KMT2B: variants seen among roughly 807,000 people sequenced by gnomAD.
KMT2B encodes histone-lysine N-methyltransferase 2B.
Under a neutral mutation model 255.3 loss-of-function variants are expected in KMT2B, and 22 were observed. The ratio of observed to expected loss-of-function variants is 0.09; its 90% CI spans 0.06 to 0.12. KMT2B has a LOEUF of 0.12. Among genes scored for constraint, KMT2B ranks in the 10% least tolerant of loss-of-function variants. The pLI is 1.00. For missense variants in KMT2B, 3,149 were observed against 3,737.0 expected (o/e 0.84, Z 4.10); for synonymous variants, 1,730 against 1,498.1 (o/e 1.15, Z -3.57).
At chr19:35,724,901 C>T (rs1232381498) in intron 9 of KMT2B, 88 bp from the exon 10 acceptor site, 5 of 1,188,478 alleles carry the variant, frequency 4.2e-6, no homozygotes, top group Non-Finnish European at 6.2e-6. Flanking sequence ...GGGTCTGGGT[C>T]CAGTAGGCTG....
rs1175434395 is a variant in KMT2B at position 35,721,076 on chromosome 19, C to T, written c.1729C>T (p.Pro577Ser). 6.2e-7 allele frequency: 1 copy of T among 1,610,928 alleles called. No homozygotes were observed. ...ITTSPPVPQE[P>S]APVPSPPRAP... The stretch of plus-strand genomic sequence containing the variant: ...CACCTCCCCACCTGTTCCCCAGGAG[C>T]CAGCACCAGTCCCCTCTCCACCACG... Residue 577 changes from proline (P) to serine (S), a missense_variant, in exon 3 of 37, where the codon CCA becomes TCA. Physicochemically the swap from Pro to Ser is moderately conservative, Grantham distance 74. Transcript: ENST00000420124.
chr19:35,727,301 C>T lies in KMT2B; in HGVS notation c.4117+32C>T. 6.3e-7 allele frequency: 1 copy of T among 1,595,728 alleles called. No homozygotes were observed. The highest frequency in any genetic ancestry group is 8.6e-7 in the Non-Finnish European group (1 of 1,163,980). On this transcript the variant is annotated intron_variant, in intron 15 of 36. Transcript: ENST00000420124. This position sits in a 1 kb window ranked among gnomAD's most constrained non-coding sequence, Gnocchi z 4.2. ...CAGTGGAGCACCTGGGCTGCAGCCTCAACCCTGTGGGGACCCCTGCCCCCA... is the reference window on the plus strand; with the variant it reads ...CAGTGGAGCACCTGGGCTGCAGCCTTAACCCTGTGGGGACCCCTGCCCCCA...
Position 35,727,819 on chromosome 19 carries a change from G to A in KMT2B, c.4392+32G>A. The A allele has an allele frequency of 6.2e-7, 1 of 1,613,220 alleles. No individual in the cohort carries two copies. The highest frequency in any genetic ancestry group is 1.1e-5 in the South Asian group (1 of 91,072). On this transcript the variant is annotated intron_variant, in intron 17 of 36. Transcript: ENST00000420124. The surrounding 1 kb of genome is among the most constrained non-coding windows in gnomAD (Gnocchi z 4.2). ...GGTACACCAGGAGGAGCAGGTGGGT[G>A]GCAGGAGGAGAGGGCTGGAATTGTG...
rs777386949 is a variant in KMT2B at position 35,721,412 on chromosome 19, G to A, written c.2065G>A (p.Ala689Thr). Residue 689 changes from alanine to threonine, a missense_variant, in exon 3 of 37, where the codon GCT becomes ACT. Ala to Thr is a moderately conservative substitution (Grantham distance 58, BLOSUM62 0). This residue lies in a region of KMT2B where 1,188 missense variants were observed against 1,106.4 expected (regional missense o/e 1.07). Coordinates refer to ENST00000420124, the MANE Select transcript of KMT2B (RefSeq NM_014727.3). ...GCCTCCTCCTGCCGATGACTCTCCA[G>A]CTGAGCCTGAGCCTCGGGCAGTGGG... Reference protein sequence around the residue: ...PEPPPADDSPAEPEPRAVGRT... With the variant: ...PEPPPADDSPTEPEPRAVGRT... 1.9e-6 allele frequency: 3 copies of A among 1,611,052 alleles called. No individual in the cohort carries two copies. Among genetic ancestry groups the A allele is most frequent in the South Asian group, 1.1e-5 (1 of 90,756 alleles).
rs760139334 is a variant in KMT2B at position 35,729,339 on chromosome 19, T to C, written c.4917+43T>C. ...GAGAGGTGGACAGCTCTCTGGCTCT[T>C]GGGGAGGCCTCCTCCGGTGCAAACA... On this transcript the variant is annotated intron_variant, in intron 22 of 36. Transcript: ENST00000420124. 33 of 1,556,988 alleles carry C rather than the reference T, an allele frequency of 2.1e-5. No homozygotes were observed. In the Admixed American group the frequency reaches 6.3e-4, roughly 30 times the overall value.
chr19:35,730,357 G>T lies in KMT2B; in HGVS notation c.5092G>T (p.Asp1698Tyr), dbSNP rs374963939. The T allele has an allele frequency of 6.2e-7, 1 of 1,612,142 alleles. No individual in the cohort carries two copies. The highest frequency in any genetic ancestry group is 8.5e-7 in the Non-Finnish European group (1 of 1,178,358). Residue 1698 changes from aspartate (D) to tyrosine (Y), a missense_variant, in exon 24 of 37, where the codon GAT becomes TAT. Around this residue, in one of 18 missense-constraint regions of KMT2B, gnomAD observed 58 missense variants for 96.9 expected, o/e 0.60. Coordinates refer to ENST00000420124, the MANE Select transcript of KMT2B (RefSeq NM_014727.3). ...LLDGKEIVNP[D>Y]GFDVLRRVYV... ...CCTCTTCCAGGAAATTGTGAACCCC[G>T]ATGGTTTTGATGTTCTCCGCCGAGT...
chr19:35,721,233 CGGCCCCCT>C lies in KMT2B; in HGVS notation c.1887_1894del (p.Ala630ProfsTer43). ...CCTCCCCCAGCCCCTCCACCTCCCC[CGGCCCCCT>C]CCCCACCCCCTGCTCCTGCCACCTC... is the stretch of plus-strand genomic sequence containing the variant. On this transcript the variant is annotated frameshift_variant, in exon 3 of 37. Transcript: ENST00000420124. LOFTEE classifies it high-confidence loss of function. The C allele has an allele frequency of 1.4e-6, 2 of 1,466,912 alleles. No individual in the cohort carries two copies. Among genetic ancestry groups the C allele is most frequent in the Non-Finnish European group, 9.2e-7 (1 of 1,085,912 alleles). 90.9% of individuals were successfully genotyped at this position (1,466,912 alleles called of 1,614,324 possible). A position where few individuals can be genotyped will look rare whatever the true frequency, so the allele number is the denominator to read the frequency against.
At chr19:35,736,504 G>T in intron 30 of KMT2B, 186 bp from the exon 31 acceptor site, 1 of 672,468 alleles carries the variant, frequency 1.5e-6, no homozygotes, top group Non-Finnish European at 2.5e-6. Context: ...AGGCTCCTTA[G>T]GGGAAGAAAT....
chr19:35,727,490 C>T lies in KMT2B; in HGVS notation c.4170C>T (p.Cys1390=), dbSNP rs767518299. The change falls in exon 16 of 37, where the codon TGC becomes TGT. Residue 1390 remains cysteine, a synonymous_variant. Transcript: ENST00000420124. The surrounding 1 kb of genome is among the most constrained non-coding windows in gnomAD (Gnocchi z 4.2). ...SGLPDSVLYT[C]GPCAGAAQPR... ...TGCCAGACTCGGTGCTGTACACCTGCGGACCGTGTGCTGGGGCAGCGCAGC... is the reference window on the plus strand; with the variant it reads ...TGCCAGACTCGGTGCTGTACACCTGTGGACCGTGTGCTGGGGCAGCGCAGC... 23 of 1,612,298 alleles carry T rather than the reference C, an allele frequency of 1.4e-5. No individual in the cohort carries two copies. Among genetic ancestry groups the T allele is most frequent in the African/African-American group, 1.3e-4 (10 of 74,928 alleles).
chr19:35,723,234 C>T lies in KMT2B; in HGVS notation c.2962C>T (p.Pro988Ser). The part of the protein sequence containing the change: ...CGSCVNCLDK[P>S]KFGGPNTKKQ... ...GTCCTGTGTCAACTGCCTAGACAAG[C>T]CCAAGTTTGGGGGCCCTAACACCAA... Residue 988 changes from proline to serine, a missense_variant, in exon 6 of 37, where the codon CCC becomes TCC. Pro to Ser is a moderately conservative substitution (Grantham distance 74). Around this residue, in one of 18 missense-constraint regions of KMT2B, gnomAD observed 11 missense variants for 45.3 expected, o/e 0.24. Transcript: ENST00000420124. This position sits in a 1 kb window ranked among gnomAD's most constrained non-coding sequence, Gnocchi z 7.5. The T allele has an allele frequency of 6.2e-7, 1 of 1,613,252 alleles. No homozygotes were observed. Among genetic ancestry groups the T allele is most frequent in the Non-Finnish European group, 8.5e-7 (1 of 1,179,824 alleles).
Position 35,723,780 on chromosome 19 carries a change from C to T in KMT2B, c.3107C>T (p.Pro1036Leu). The change falls in exon 8 of 37, where the codon CCT (proline) becomes CTT (leucine). Residue 1036 changes from proline (P) to leucine (L), a missense_variant. Physicochemically the swap from Pro to Leu is moderately conservative, Grantham distance 98. This residue lies in a region of KMT2B where 50 missense variants were observed against 71.9 expected (regional missense o/e 0.70). Transcript: ENST00000420124. The surrounding 1 kb of genome is among the most constrained non-coding windows in gnomAD (Gnocchi z 7.5). The part of the protein sequence containing the change: ...TLLPWDSDES[P>L]EASPGPPGPR... ...TTGCCCTGGGATTCCGATGAATCTC[C>T]TGAGGCCTCCCCTGGTCCTCCAGGC... The T allele has an allele frequency of 6.4e-7, 1 of 1,569,984 alleles. No individual in the cohort carries two copies. Among genetic ancestry groups the T allele is most frequent in the Non-Finnish European group, 8.6e-7 (1 of 1,157,594 alleles).
chr19:35,733,051 G>A lies in KMT2B; in HGVS notation c.6502G>A (p.Gly2168Arg). ...CACCCGCACATTTGCCTGGCTCCCA[G>A]GGGCCCCAGGGGTCCGGGTGTTAAG... ...DPTRTFAWLP[G>R]APGVRVLSLG... is the part of the protein sequence containing the mutation. The change falls in exon 28 of 37, where the codon GGG (glycine) becomes AGG (arginine). Residue 2168 changes from glycine (G) to arginine (R), a missense_variant. By Grantham distance (125) the Gly-to-Arg change is moderately radical. This residue lies in a region of KMT2B where 897 missense variants were observed against 825.3 expected (regional missense o/e 1.09). Transcript: ENST00000420124. This position sits in a 1 kb window ranked among gnomAD's most constrained non-coding sequence, Gnocchi z 4.3. 1 of 1,582,036 alleles carries A rather than the reference G, an allele frequency of 6.3e-7. No individual in the cohort carries two copies. The highest frequency in any genetic ancestry group is 8.6e-7 in the Non-Finnish European group (1 of 1,163,970).
In KMT2B at chr19:35,720,162, C is replaced by T. The variant is rs1465192971; in HGVS notation, c.815C>T (p.Pro272Leu). ...GGCAGCTGGAAATGCAAGGAGGGGCCCGGTCCAGGACCTGGGACCCCCAGG... is the reference window on the plus strand; with the variant it reads ...GGCAGCTGGAAATGCAAGGAGGGGCTCGGTCCAGGACCTGGGACCCCCAGG... ...QTGSWKCKEG[P>L]GPGPGTPRRG... is the part of the protein sequence containing the mutation. Residue 272 changes from proline to leucine, a missense_variant, in exon 3 of 37, where the codon CCC (proline) becomes CTC (leucine). Physicochemically the swap from Pro to Leu is moderately conservative, Grantham distance 98 (BLOSUM62 -3). Transcript: ENST00000420124. 3.1e-6 allele frequency: 5 copies of T among 1,602,258 alleles called. No individual in the cohort carries two copies. Among genetic ancestry groups the T allele is most frequent in the East Asian group, 4.5e-5 (2 of 44,320 alleles).
chr19:35,731,715 C>G (rs1969700950), intron 26 of KMT2B, among the ~76,000 whole-genome samples, 193 bp from the exon 27 acceptor site: 1 of 152,110 alleles, frequency 6.6e-6, no homozygotes, highest in Non-Finnish European at 1.5e-5. Flanking sequence ...CCCTGAAGGC[C>G]CCCTGGCCCA....
rs749109146 is a variant in KMT2B, at chr19:35,727,656, G to A, written c.4302+34G>A. 28 of 1,612,478 alleles carry A rather than the reference G, an allele frequency of 1.7e-5. No individual in the cohort carries two copies. Among genetic ancestry groups the A allele is most frequent in the Non-Finnish European group, 2.1e-5 (25 of 1,179,562 alleles). ...GGCCCTGGAGGCAGGATGGGCCGGG[G>A]CTAGGCCCACCCCCAGCCCTGCTAA... On this transcript the variant is annotated intron_variant, in intron 16 of 36. Transcript: ENST00000420124. This position sits in a 1 kb window ranked among gnomAD's most constrained non-coding sequence, Gnocchi z 4.2.
rs776904137 is a variant in KMT2B at position 35,721,609 on chromosome 19, G to A, written c.2262G>A (p.Pro754=). The A allele has an allele frequency of 1.3e-5, 21 of 1,608,326 alleles. No individual in the cohort carries two copies. The highest frequency in any genetic ancestry group is 1.8e-5 in the Non-Finnish European group (21 of 1,176,508). The change falls in exon 3 of 37, where the codon CCG becomes CCA. Residue 754 remains proline, a synonymous_variant. Coordinates refer to ENST00000420124, the MANE Select transcript of KMT2B (RefSeq NM_014727.3). ...LQTQLLPQAL[P]PPQPQLQPPP... ...CCCAGCTCCTGCCCCAGGCACTACC[G>A]CCACCACAGCCACAGCTGCAGCCAC...
At position 35,718,852 on chromosome 19, in the gene KMT2B, C is replaced by T. The variant is rs1347023763; in HGVS notation, c.363+471C>T. Among the ~76,000 whole-genome samples, 2 of 152,164 alleles carry T rather than the reference C, an allele frequency of 1.3e-5. No individual in the cohort carries two copies. Among genetic ancestry groups the T allele is most frequent in the African/African-American group, 2.4e-5 (1 of 41,444 alleles). Reference sequence around the variant, plus strand: ...GCATCTCAGGTAGAGTGGTGGAGGGCTTCCTCTTGGGGCTCGGGTTGAACA... The same window carrying T: ...GCATCTCAGGTAGAGTGGTGGAGGGTTTCCTCTTGGGGCTCGGGTTGAACA... On this transcript the variant is annotated intron_variant, in intron 1 of 36. Transcript: ENST00000420124. This position sits in a 1 kb window ranked among gnomAD's most constrained non-coding sequence, Gnocchi z 5.0.
Position 35,733,367 on chromosome 19 carries a change from G to T in KMT2B, c.6818G>T (p.Arg2273Leu). 1 of 1,291,492 alleles carries T rather than the reference G, an allele frequency of 7.7e-7. No individual in the cohort carries two copies. Among genetic ancestry groups the T allele is most frequent in the Non-Finnish European group, 1.0e-6 (1 of 984,200 alleles). The allele number at this position is 1,291,492 out of a possible 1,614,324, so 80.0% of individuals were successfully genotyped here. ...AGCAGTGGGCCAGCCAGCCCGCCCC[G>T]CCAGGCCATCCGCGTCAAGAGGGTG... ...VLSSGPASPP[R>L]QAIRVKRVST... Residue 2273 changes from arginine (R) to leucine (L), a missense_variant, in exon 28 of 37, where the codon CGC becomes CTC. Physicochemically the swap from Arg to Leu is moderately radical, Grantham distance 102. This residue lies in a region of KMT2B where 897 missense variants were observed against 825.3 expected (regional missense o/e 1.09). Transcript: ENST00000420124. The surrounding 1 kb of genome is among the most constrained non-coding windows in gnomAD (Gnocchi z 4.3).
intron 1 of KMT2B, 62 bp from the exon 2 acceptor site, chr19:35,719,407 A>T: frequency 8.2e-7 from 1 of 1,214,270 alleles, no homozygotes; most frequent in Non-Finnish European, 1.2e-6. Context: ...GATACCTCAG[A>T]TGGAACGAGG....
Sources: gnomAD v4.1 joint callset for allele counts (sites outside exome capture counted in the v4.1 genomes callset) on GRCh38, gnomAD v4.1.1 for gene constraint, gnomAD v4.1.1 regional missense constraint, Gnocchi (gnomAD v3.1) non-coding constraint, MANE v1.5 for transcripts, NCBI Gene and HGNC (gene_info 2026-07-23, HGNC 2026-07-21) for gene names.